TCN2: variants seen among roughly 807,000 people sequenced by gnomAD.
TCN2 encodes transcobalamin 2.
A neutral mutation model predicts 48.6 loss-of-function variants in TCN2; 34 were observed. The observed-to-expected ratio is 0.70, with a 90% CI of 0.53 to 0.93. The LOEUF (loss-of-function observed/expected upper bound fraction) is 0.93, where lower values mean the gene tolerates loss of function less well. TCN2 is among the 40% of genes least tolerant of loss of function. The pLI is 0.00. For synonymous variants in TCN2, 283 were observed against 212.5 expected (o/e 1.33, Z -2.89); for missense variants, 652 against 526.1 (o/e 1.24, Z -2.34).
intron 8 of TCN2, among the ~76,000 whole-genome samples, chr22:30,626,011 C>T (rs1055016016): frequency 2.6e-5 from 4 of 152,152 alleles, no homozygotes; most frequent in East Asian, 1.9e-4. Flanking sequence ...ACAAGAGCAG[C>T]GACACTCACT....
rs957215549 is a variant in TCN2 at position 30,623,769 on chromosome 22, T to C, written c.1222+686T>C. Reference sequence around the variant, plus strand: ...ACACACATATATATGTATATATATATACACACATATATATGTATACATATA... The same window carrying C: ...ACACACATATATATGTATATATATACACACACATATATATGTATACATATA... On this transcript the variant is annotated intron_variant, in intron 8 of 8. Coordinates refer to ENST00000215838, the MANE Select transcript of TCN2 (RefSeq NM_000355.4). Among the ~76,000 whole-genome samples the C allele has an allele frequency of 1.1e-3, 70 of 66,666 alleles. 25 individuals are homozygous for C. Among genetic ancestry groups the C allele is most frequent in the South Asian group, 2.3e-3 (6 of 2,574 alleles). 43.7% of individuals were successfully genotyped at this position (66,666 alleles called of 152,430 possible). A position where few individuals can be genotyped will look rare whatever the true frequency, so the allele number is the denominator to read the frequency against.
At position 30,607,315 on chromosome 22, in the gene TCN2, A is replaced by G; in HGVS notation, c.-17A>G. On this transcript the variant is annotated 5_prime_UTR_variant, in exon 1 of 9. Coordinates refer to ENST00000215838, the MANE Select transcript of TCN2 (RefSeq NM_000355.4). ...CTTTCCCGATTCTTGCTCACTGCTC[A>G]CCCACCTGCTGCTGCCATGAGGCAC... 1.2e-6 allele frequency: 2 copies of G among 1,613,946 alleles called. No individual in the cohort carries two copies. The highest frequency in any genetic ancestry group is 2.2e-5 in the South Asian group (2 of 91,066).
At chr22:30,610,839 G>A in intron 1 of TCN2, 32 bp from the exon 2 acceptor site, 1 of 1,613,152 alleles carries the variant, frequency 6.2e-7, no homozygotes, top group Non-Finnish European at 8.5e-7. Flanking sequence ...GCCTGGCCCT[G>A]TGACCTCATT....
intron 8 of TCN2, among the ~76,000 whole-genome samples, chr22:30,625,594 G>A (rs532238559): frequency 1.3e-5 from 2 of 151,922 alleles, no homozygotes; most frequent in Non-Finnish European, 2.9e-5. Context: ...TCCTGAGTAC[G>A]TGTGACCATA....
chr22:30,622,207 G>A (rs1452750213), intron 7 of TCN2, among the ~76,000 whole-genome samples: 2 of 151,992 alleles, frequency 1.3e-5, no homozygotes, highest in African/African-American at 2.4e-5. Flanking sequence ...GGCTGGTCTC[G>A]AACTCCCAAC....
chr22:30,617,657 G>C (rs2087633488), intron 7 of TCN2, 162 bp downstream of exon 7: 1 of 963,004 alleles, frequency 1.0e-6, no homozygotes, highest in East Asian at 2.7e-5. Flanking sequence ...CGGTGTTATG[G>C]AAACAGGGAG....
In TCN2 at chr22:30,623,839, C is replaced by T. The variant is rs1295046824; in HGVS notation, c.1222+756C>T. On this transcript the variant is annotated intron_variant, in intron 8 of 8. Coordinates refer to ENST00000215838, the MANE Select transcript of TCN2 (RefSeq NM_000355.4). Reference sequence around the variant, plus strand: ...ACACACACATACACACACATATACACACACATACATACACATACATACACA... The same window carrying T: ...ACACACACATACACACACATATACATACACATACATACACATACATACACA... Among the ~76,000 whole-genome samples the T allele has an allele frequency of 3.9e-5, 3 of 77,620 alleles. 1 individual carries two copies. The highest frequency in any genetic ancestry group is 3.5e-4 in the African/African-American group (3 of 8,488). The allele number at this position is 77,620 out of a possible 152,430, so 50.9% of individuals were successfully genotyped here. A position where few individuals can be genotyped will look rare whatever the true frequency, so the allele number is the denominator to read the frequency against.
In TCN2 at chr22:30,626,550, C is replaced by T. The variant is rs190828416; in HGVS notation, c.*29C>T. 1.7e-4 allele frequency: 269 copies of T among 1,612,746 alleles called. No homozygotes were observed. The highest frequency in any genetic ancestry group is 2.1e-4 in the Non-Finnish European group (246 of 1,179,222). On this transcript the variant is annotated 3_prime_UTR_variant, in exon 9 of 9. Transcript: ENST00000215838. ...CTGAGCTCCCTCATCCCAGCAGCCT[C>T]GCACACTCCCTAGGCTTCTACCCTC...
At chr22:30,607,646 C>T (rs1020543185) in intron 1 of TCN2, among the ~76,000 whole-genome samples, 4 of 152,186 alleles carry the variant, frequency 2.6e-5, no homozygotes, top group African/African-American at 9.7e-5. Context: ...CTGTGTCAGG[C>T]CCAGTGTTAG....
chr22:30,615,828 G>T (rs201091481), intron 6 of TCN2, 41 bp downstream of exon 6: 2 of 1,611,642 alleles, frequency 1.2e-6, no homozygotes, highest in African/African-American at 1.3e-5. Context: ...TTTACAATCT[G>T]CTGCGCACCC....
intron 6 of TCN2, 78 bp from the exon 7 acceptor site, chr22:30,617,252 T>G: frequency 6.3e-7 from 1 of 1,599,854 alleles, no homozygotes; most frequent in Admixed American, 1.7e-5. Flanking sequence ...CCAGGTGTCC[T>G]TGAGGGAAGA....
At position 30,613,049 on chromosome 22, in the gene TCN2, A is replaced by G. The variant is rs2087564692; in HGVS notation, c.427+7A>G. Reference sequence around the variant, plus strand: ...GATGAGAAGAGAGCCATTGGTGAGCAGACACCATCCGCTGGGGGTGGGGAG... The same window carrying G: ...GATGAGAAGAGAGCCATTGGTGAGCGGACACCATCCGCTGGGGGTGGGGAG... On this transcript the variant is annotated splice_region_variant and intron_variant, in intron 3 of 8. Coordinates refer to ENST00000215838, the MANE Select transcript of TCN2 (RefSeq NM_000355.4). The G allele has an allele frequency of 3.1e-6, 5 of 1,613,674 alleles. No individual in the cohort carries two copies. Among genetic ancestry groups the G allele is most frequent in the Non-Finnish European group, 4.2e-6 (5 of 1,179,858 alleles).
chr22:30,613,637 A>T (rs559355364), intron 3 of TCN2, among the ~76,000 whole-genome samples: 3 of 152,206 alleles, frequency 2.0e-5, no homozygotes, highest in East Asian at 3.9e-4. Context: ...CACCTTCGGG[A>T]CAACTGGACA....
At chr22:30,626,146 C>T (rs1055470240) in intron 8 of TCN2, among the ~76,000 whole-genome samples, 1 of 152,174 alleles carries the variant, frequency 6.6e-6, no homozygotes, top group Non-Finnish European at 1.5e-5. Flanking sequence ...TGGGAGACTT[C>T]TGCGTGGTCC....
intron 1 of TCN2, among the ~76,000 whole-genome samples, chr22:30,609,553 C>A (rs548263131): frequency 2.1e-4 from 32 of 150,332 alleles, no homozygotes; most frequent in African/African-American, 7.9e-4. Flanking sequence ...CTCCCTTGCG[C>A]GTTTCAAGAA....
At chr22:30,609,189 A>G (rs533630021) in intron 1 of TCN2, among the ~76,000 whole-genome samples, 2 of 147,856 alleles carry the variant, frequency 1.4e-5, no homozygotes, top group South Asian at 2.1e-4. Flanking sequence ...TCTTCTAGAG[A>G]TGAGGTCTCA....
In TCN2 at chr22:30,622,296, G is replaced by A. The variant is rs551695807; in HGVS notation, c.1107-672G>A. ...GCCACTGTGCCTGGCCCAGGCCCAC[G>A]GAGTTTTAAGAGGCTTCCTGTGGCA... On this transcript the variant is annotated intron_variant, in intron 7 of 8. Transcript: ENST00000215838. 4.6e-5 allele frequency among the ~76,000 whole-genome samples: 7 copies of A among 152,332 alleles called. No individual in the cohort carries two copies. In the South Asian group the frequency reaches 8.3e-4, roughly 18 times the overall value.
Position 30,613,284 on chromosome 22 carries a change from G to C in TCN2, c.427+242G>C, listed in dbSNP as rs147395186. On this transcript the variant is annotated intron_variant, in intron 3 of 8. Transcript: ENST00000215838. ...TTTCGTGGTTTTTTGTTTTTTGTTT[G>C]TTTGTTTGTTTTGAGTTGGAGGTTT... Among the ~76,000 whole-genome samples, 140 of 152,122 alleles carry C rather than the reference G, an allele frequency of 9.2e-4. 1 individual carries two copies. The highest frequency in any genetic ancestry group is 6.8e-3 in the Middle Eastern group (2 of 294).
chr22:30,623,855 TAC>T lies in TCN2; in HGVS notation c.1222+774_1222+775del, dbSNP rs1204744167. On this transcript the variant is annotated intron_variant, in intron 8 of 8. Coordinates refer to ENST00000215838, the MANE Select transcript of TCN2 (RefSeq NM_000355.4). ...ACATATACACACACATACATACACATACATACACACATATATACACACATATA... is the reference window on the plus strand; with the variant it reads ...ACATATACACACACATACATACACATATACACACATATATACACACATATA... 5.3e-5 allele frequency among the ~76,000 whole-genome samples: 3 copies of T among 56,286 alleles called. 1 individual carries two copies. The highest frequency in any genetic ancestry group is 3.3e-4 in the African/African-American group (2 of 5,998). The allele number at this position is 56,286 out of a possible 152,430, so 36.9% of individuals were successfully genotyped here. A position where few individuals can be genotyped will look rare whatever the true frequency, so the allele number is the denominator to read the frequency against.
Sources: allele counts gnomAD v4.1 joint callset (sites outside exome capture counted in the v4.1 genomes callset), GRCh38; gene constraint gnomAD v4.1.1; transcripts MANE v1.5; gene names NCBI Gene and HGNC (gene_info 2026-07-23, HGNC 2026-07-21).